The following LRMDA variants were observed in gnomAD, a reference collection of about 807,000 sequenced individuals.
LRMDA encodes leucine-rich melanocyte differentiation-associated protein.
A neutral mutation model predicts 29.8 loss-of-function variants in LRMDA; 18 were observed. The ratio of observed to expected loss-of-function variants is 0.60; its 90% CI spans 0.42 to 0.90. LRMDA has a LOEUF of 0.90. LRMDA is among the 40% of genes least tolerant of loss of function. The pLI, the probability that LRMDA is intolerant of heterozygous loss-of-function variation, is 0.00. For missense variants in LRMDA, 273 were observed against 273.9 expected (o/e 1.00, Z 0.02); for synonymous variants, 125 against 109.4 (o/e 1.14, Z -0.89).
At chr10:76,339,097 A>C (rs1161106773) in intron 6 of LRMDA, among the ~76,000 whole-genome samples, 1 of 152,172 alleles carries the variant, frequency 6.6e-6, no homozygotes, top group Non-Finnish European at 1.5e-5. Flanking sequence ...CTTTTGTTAC[A>C]TGGAAAATAA....
chr10:76,342,019 G>A (rs902753370), intron 6 of LRMDA, among the ~76,000 whole-genome samples: 2 of 152,180 alleles, frequency 1.3e-5, no homozygotes, highest in Non-Finnish European at 2.9e-5. Context: ...TTCTGGAAGA[G>A]CATGTGGGAC....
At chr10:75,653,072 C>T (rs544552398) in intron 2 of LRMDA, among the ~76,000 whole-genome samples, 1 of 152,258 alleles carries the variant, frequency 6.6e-6, no homozygotes, top group East Asian at 1.9e-4. Flanking sequence ...TTTCTGAGAC[C>T]CACTCTGGCT....
At chr10:76,058,556 TA>T in intron 4 of LRMDA, 109 bp from the exon 5 acceptor site, 2 of 881,318 alleles carry the variant, frequency 2.3e-6, no homozygotes, top group Non-Finnish European at 3.8e-6. Context: ...AGCCAAGGTC[TA>T]AGTTCCAGAA....
chr10:76,269,223 A>G (rs1840039595), intron 5 of LRMDA, among the ~76,000 whole-genome samples: 1 of 152,146 alleles, frequency 6.6e-6, no homozygotes, highest in Non-Finnish European at 1.5e-5. Context: ...GCAATTCAGC[A>G]GTAATCGAAC....
intron 2 of LRMDA, among the ~76,000 whole-genome samples, chr10:75,976,325 T>G (rs1847069344): frequency 6.6e-6 from 1 of 152,270 alleles, no homozygotes; most frequent in South Asian, 2.1e-4. Flanking sequence ...TGGTCCCTTC[T>G]TATCTTTTAG....
At position 76,038,862 on chromosome 10, in the gene LRMDA, C is replaced by G. The variant is rs141135611; in HGVS notation, c.258+2728C>G. Among the ~76,000 whole-genome samples the G allele has an allele frequency of 4.6e-5, 7 of 152,282 alleles. No individual in the cohort carries two copies. The East Asian group carries it at 1.4e-3, about 29-fold the overall frequency. On this transcript the variant is annotated intron_variant, in intron 3 of 6. Coordinates refer to ENST00000611255, the MANE Select transcript of LRMDA (RefSeq NM_001305581.2). ...AACAAATATTTACAATTCTATAGAT[C>G]AGATGTTTGGCCAGGGCTCAGCAGG... is the stretch of plus-strand genomic sequence containing the variant.
chr10:75,459,417 G>A (rs906577977), intron 2 of LRMDA, among the ~76,000 whole-genome samples: 3 of 152,138 alleles, frequency 2.0e-5, no homozygotes, highest in Admixed American at 2.0e-4. Context: ...TGAAAGGGAG[G>A]CCTCAACCAT....
chr10:76,321,198 T>C (rs1319414160), intron 5 of LRMDA, among the ~76,000 whole-genome samples: 1 of 152,236 alleles, frequency 6.6e-6, no homozygotes, highest in African/African-American at 2.4e-5. Flanking sequence ...CCGTAGAGTA[T>C]ATATTTTAAG....
At chr10:75,692,298 CACATATATACAT>C (rs1282923821) in intron 2 of LRMDA, among the ~76,000 whole-genome samples, 4 of 143,344 alleles carry the variant, frequency 2.8e-5, no homozygotes, top group East Asian at 4.0e-4. Flanking sequence ...CATATATACA[CACATATATACAT>C]ACATATATAC....
In LRMDA at chr10:76,548,167, C is replaced by T. The variant is rs78011992; in HGVS notation, c.602-9042C>T. On this transcript the variant is annotated intron_variant, in intron 6 of 6. Coordinates refer to ENST00000611255, the MANE Select transcript of LRMDA (RefSeq NM_001305581.2). ...GGGCTAGATAGAGTTGTATGGGTGC[C>T]TGGTCCGGTTCTGTCACTTTCCAAA... is the stretch of plus-strand genomic sequence containing the variant. Among the ~76,000 whole-genome samples, 3 of 152,274 alleles carry T rather than the reference C, an allele frequency of 2.0e-5. No homozygotes were observed. In the East Asian group the frequency reaches 5.8e-4, roughly 29 times the overall value.
chr10:75,614,169 CT>C (rs779557805), intron 2 of LRMDA, among the ~76,000 whole-genome samples: 8 of 152,198 alleles, frequency 5.3e-5, no homozygotes, highest in Non-Finnish European at 8.8e-5. Context: ...ACTCTTCCCT[CT>C]CTTACTTTCC....
intron 5 of LRMDA, among the ~76,000 whole-genome samples, chr10:76,156,235 G>A (rs570253290): frequency 3.0e-4 from 45 of 152,270 alleles, no homozygotes; most frequent in Middle Eastern, 3.4e-3. Flanking sequence ...ACAGCAACCA[G>A]CAGTCTCCAA....
chr10:76,122,379 TG>T (rs1402215599), intron 5 of LRMDA, among the ~76,000 whole-genome samples: 1 of 152,010 alleles, frequency 6.6e-6, no homozygotes, highest in East Asian at 1.9e-4. Context: ...TTCCCCTGCC[TG>T]TCTGTGAGGT....
chr10:76,465,107 G>A (rs1485088497), intron 6 of LRMDA, among the ~76,000 whole-genome samples: 1 of 152,122 alleles, frequency 6.6e-6, no homozygotes, highest in Admixed American at 6.6e-5. Context: ...AGAACTCTTG[G>A]TGGCCTCTCC....
chr10:76,395,304 C>T (rs1194502360), intron 6 of LRMDA, among the ~76,000 whole-genome samples: 2 of 152,194 alleles, frequency 1.3e-5, no homozygotes, highest in African/African-American at 4.8e-5. Flanking sequence ...ATAATTGCCT[C>T]ATTATTATAT....
intron 6 of LRMDA, among the ~76,000 whole-genome samples, chr10:76,536,620 C>A (rs1843293808): frequency 1.3e-5 from 2 of 151,986 alleles, no homozygotes; most frequent in South Asian, 4.1e-4. Context: ...CTGAACATTC[C>A]CTCATGGTTT....
intron 5 of LRMDA, among the ~76,000 whole-genome samples, chr10:76,204,181 C>T (rs1231800053): frequency 7.1e-6 from 1 of 140,764 alleles, no homozygotes; most frequent in Non-Finnish European, 1.5e-5. Context: ...CTCCATGTGC[C>T]CATCTACCCA....
chr10:76,232,422 G>A (rs1394773966), intron 5 of LRMDA, among the ~76,000 whole-genome samples: 1 of 152,232 alleles, frequency 6.6e-6, no homozygotes, highest in Non-Finnish European at 1.5e-5. Flanking sequence ...TGAACACCCA[G>A]TGAGATCTAG....
intron 5 of LRMDA, among the ~76,000 whole-genome samples, chr10:76,065,349 C>T (rs1848766036): frequency 6.6e-6 from 1 of 152,196 alleles, no homozygotes; most frequent in Non-Finnish European, 1.5e-5. Flanking sequence ...AACCAAAATA[C>T]ACAATAGAAA....
Sources: gnomAD v4.1 joint callset for allele counts (sites outside exome capture counted in the v4.1 genomes callset) on GRCh38, gnomAD v4.1.1 for gene constraint, MANE v1.5 for transcripts, NCBI Gene and HGNC (gene_info 2026-07-23, HGNC 2026-07-21) for gene names.